The following BTAF1 variants were observed in gnomAD, a reference collection of about 807,000 sequenced individuals.
BTAF1 encodes B-TFIID TATA-box binding protein associated factor 1.
In BTAF1, 38 loss-of-function variants were observed where a neutral mutation model predicts 227.1. That is an observed-to-expected ratio of 0.17 (90% CI 0.13 to 0.22). The LOEUF (loss-of-function observed/expected upper bound fraction) is 0.22. Ranked by LOEUF, BTAF1 falls within the 10% of genes least tolerant of loss-of-function variation. BTAF1 has a pLI of 1.00. For synonymous variants in BTAF1, 742 were observed against 751.9 expected (o/e 0.99, Z 0.21); for missense variants, 1,598 against 2,204.0 (o/e 0.73, Z 5.51).
rs1272389254 is a variant in BTAF1, at chr10:91,993,873, GT to G, written c.3199+31del. 11 of 1,523,100 alleles carry G rather than the reference GT, an allele frequency of 7.2e-6. No homozygotes were observed. In the Admixed American group the frequency reaches 7.5e-5, roughly 10 times the overall value. 94.3% of individuals were successfully genotyped at this position (1,523,100 alleles called of 1,614,324 possible). A position where few individuals can be genotyped will look rare whatever the true frequency, so the allele number is the denominator to read the frequency against. ...GTATACACATATTTTTATGAGTCCA[GT>G]TTTTAACAAATTTTAATGTCTATTA... On this transcript the variant is annotated intron_variant, in intron 22 of 37. Coordinates refer to ENST00000265990, the MANE Select transcript of BTAF1 (RefSeq NM_003972.3).
intron 14 of BTAF1, among the ~76,000 whole-genome samples, chr10:91,969,675 C>T (rs2060886077): frequency 6.6e-6 from 1 of 151,980 alleles, no homozygotes. Context: ...GTTATAAATC[C>T]CCGTCGGGCC....
intron 14 of BTAF1, among the ~76,000 whole-genome samples, chr10:91,972,199 T>C (rs1484493157): frequency 6.6e-6 from 1 of 152,222 alleles, no homozygotes; most frequent in Non-Finnish European, 1.5e-5. Flanking sequence ...ATTAAATTCC[T>C]GTCTTTCTTG....
At chr10:92,024,683 G>T in intron 34 of BTAF1, 73 bp from the exon 35 acceptor site, 2 of 1,259,568 alleles carry the variant, frequency 1.6e-6, no homozygotes, top group Non-Finnish European at 2.2e-6. Context: ...GCCACAGAGA[G>T]GAATGTCACA....
chr10:91,989,001 G>A (rs983516125), intron 19 of BTAF1, among the ~76,000 whole-genome samples, 153 bp from the exon 20 acceptor site: 7 of 152,164 alleles, frequency 4.6e-5, no homozygotes, highest in African/African-American at 9.7e-5. Flanking sequence ...TAGTTGGGAA[G>A]TTTTAGACAT....
chr10:91,955,843 T>C (rs893108470), intron 6 of BTAF1, among the ~76,000 whole-genome samples: 1 of 152,096 alleles, frequency 6.6e-6, no homozygotes, highest in Non-Finnish European at 1.5e-5. Flanking sequence ...TATCACCTTA[T>C]AGAAAAAATG....
chr10:91,960,784 A>G (rs541279359), intron 11 of BTAF1, among the ~76,000 whole-genome samples: 2 of 152,306 alleles, frequency 1.3e-5, no homozygotes, highest in East Asian at 3.9e-4. Context: ...GTGTAATGTT[A>G]TACATCATCT....
intron 20 of BTAF1, 141 bp downstream of exon 20, chr10:91,989,721 A>C: frequency 1.2e-6 from 1 of 855,002 alleles, no homozygotes; most frequent in South Asian, 1.9e-5. Context: ...GATTATAACA[A>C]AACTCTTTGT....
chr10:91,972,458 C>G (rs1015023361), intron 14 of BTAF1, among the ~76,000 whole-genome samples: 16 of 152,270 alleles, frequency 1.1e-4, no homozygotes, highest in African/African-American at 3.6e-4. Flanking sequence ...CAAATCAAAT[C>G]TCTAGTGCGA....
chr10:91,995,382 G>T (rs1033842114), intron 23 of BTAF1, among the ~76,000 whole-genome samples: 1 of 151,916 alleles, frequency 6.6e-6, no homozygotes, highest in Non-Finnish European at 1.5e-5. Context: ...TTTACTGTTA[G>T]TAAAGAAAAG....
intron 6 of BTAF1, among the ~76,000 whole-genome samples, chr10:91,954,914 G>A (rs572847829): frequency 1.3e-5 from 2 of 152,278 alleles, no homozygotes; most frequent in African/African-American, 4.8e-5. Context: ...CTTTAGTGGT[G>A]CTCAGGAAAT....
At chr10:91,928,977 AT>A (rs762576006) in intron 1 of BTAF1, among the ~76,000 whole-genome samples, 2 of 151,726 alleles carry the variant, frequency 1.3e-5, no homozygotes, top group African/African-American at 4.8e-5. Flanking sequence ...TGCCTGGCTA[AT>A]TTTTTTTGTA....
chr10:91,952,928 C>T (rs1046292222), intron 5 of BTAF1, among the ~76,000 whole-genome samples: 1 of 152,060 alleles, frequency 6.6e-6, no homozygotes, highest in African/African-American at 2.4e-5. Flanking sequence ...AGAAAGTGGG[C>T]TATACAGATC....
intron 14 of BTAF1, among the ~76,000 whole-genome samples, chr10:91,973,411 A>G (rs1847449309): frequency 6.6e-6 from 1 of 152,216 alleles, no homozygotes; most frequent in African/African-American, 2.4e-5. Context: ...ATAATAGTAC[A>G]GATACTAAAA....
chr10:91,985,814 G>A (rs1031543630), intron 19 of BTAF1, among the ~76,000 whole-genome samples: 1 of 152,088 alleles, frequency 6.6e-6, no homozygotes, highest in South Asian at 2.1e-4. Flanking sequence ...TAGGTTGTTT[G>A]TTTGTTATTG....
At chr10:91,939,847 T>G (rs1420230380) in intron 2 of BTAF1, 105 bp from the exon 3 acceptor site, 3 of 636,150 alleles carry the variant, frequency 4.7e-6, no homozygotes, top group Non-Finnish European at 8.1e-6. Flanking sequence ...TTTGGATGGC[T>G]GCCAAATTAC....
rs750075861 is a variant in BTAF1 at position 91,959,989 on chromosome 10, A to G, written c.1098A>G (p.Pro366=). Residue 366 remains proline, a synonymous_variant, in exon 11 of 38, where the codon CCA becomes CCG. Coordinates refer to ENST00000265990, the MANE Select transcript of BTAF1 (RefSeq NM_003972.3). ...TTTTTCGTCTGTAGGTTGTGGCACC[A>G]GTTCGTGAAACTTGTGCTCAAACAT... ...GDFVSDEVVA[P]VRETCAQTLG... 2.5e-6 allele frequency: 4 copies of G among 1,609,192 alleles called. No individual in the cohort carries two copies. In the African/African-American group the frequency reaches 5.3e-5, roughly 22 times the overall value.
chr10:91,942,902 A>G (rs1036299906), intron 4 of BTAF1, among the ~76,000 whole-genome samples: 1 of 152,166 alleles, frequency 6.6e-6, no homozygotes, highest in African/African-American at 2.4e-5. Flanking sequence ...CAGGATTAGT[A>G]TAGATCGTGG....
chr10:91,963,980 G>A, intron 12 of BTAF1, 97 bp from the exon 13 acceptor site: 1 of 1,321,508 alleles, frequency 7.6e-7, no homozygotes, highest in East Asian at 2.3e-5. Context: ...AATTGCATGT[G>A]TTGTTGAATC....
chr10:91,949,011 T>G (rs533518240), intron 4 of BTAF1, among the ~76,000 whole-genome samples: 1 of 152,306 alleles, frequency 6.6e-6, no homozygotes, highest in South Asian at 2.1e-4. Context: ...TATTAGTTGC[T>G]TACGAATCTT....
Sources: gnomAD v4.1 joint callset for allele counts (sites outside exome capture counted in the v4.1 genomes callset) on GRCh38, gnomAD v4.1.1 for gene constraint, MANE v1.5 for transcripts, NCBI Gene and HGNC (gene_info 2026-07-23, HGNC 2026-07-21) for gene names.